The following TBX15 variants were observed in gnomAD, a reference collection of about 807,000 sequenced individuals.
TBX15 encodes the protein T-box transcription factor TBX15.
TBX15 carries 18 observed loss-of-function variants against 53.9 expected under a neutral mutation model. That is an observed-to-expected ratio of 0.33 (90% CI 0.23 to 0.49). TBX15 has a LOEUF of 0.49. Among genes scored for constraint, TBX15 ranks in the 20% least tolerant of loss-of-function variants. TBX15 has a pLI of 0.98. For missense variants in TBX15, 692 were observed against 749.5 expected, an observed-to-expected ratio of 0.92 and a Z score of 0.90; for synonymous variants, 295 against 278.0, an observed-to-expected ratio of 1.06 and a Z score of -0.61.
chr1:118,978,311 C>T (rs1484115813), intron 1 of TBX15, among the ~76,000 whole-genome samples: 1 of 152,166 alleles, frequency 6.6e-6, no homozygotes, highest in Non-Finnish European at 1.5e-5. Context: ...AAAATTCCTT[C>T]GTTCCAACAA....
chr1:118,884,436 C>G lies in TBX15; in HGVS notation c.*296G>C, dbSNP rs928593647. On this transcript the variant is annotated 3_prime_UTR_variant, in exon 8 of 8. Transcript: ENST00000369429. The stretch of plus-strand genomic sequence containing the variant: ...ACTAGCATCTCCCTTAACATTATGA[C>G]GAAGTGATTATTCAGTCTCTTCAAA... 11 of 447,912 alleles carry G rather than the reference C, an allele frequency of 2.5e-5. No homozygotes were observed. Among genetic ancestry groups the G allele is most frequent in the African/African-American group, 5.9e-5 (3 of 50,546 alleles). The allele number at this position is 447,912 out of a possible 1,614,324, so 27.7% of individuals were successfully genotyped here. A position where few individuals can be genotyped will look rare whatever the true frequency, so the allele number is the denominator to read the frequency against.
chr1:118,958,575 G>A (rs2101672876), intron 1 of TBX15, among the ~76,000 whole-genome samples: 1 of 152,196 alleles, frequency 6.6e-6, no homozygotes, highest in African/African-American at 2.4e-5. Flanking sequence ...CTTGATCAGT[G>A]ATATAATTTT....
chr1:118,987,983 C>T lies in TBX15; in HGVS notation c.-188G>A. 1 of 718,928 alleles carries T rather than the reference C, an allele frequency of 1.4e-6. No individual in the cohort carries two copies. Among genetic ancestry groups the T allele is most frequent in the Non-Finnish European group, 2.2e-6 (1 of 447,220 alleles). The allele number at this position is 718,928 out of a possible 1,614,324, so 44.5% of individuals were successfully genotyped here. ...CTCCTCCGCCCTCCTCTGCCGGATC[C>T]GACCTGCGCCCCTACGCTGGCCCAG... On this transcript the variant is annotated 5_prime_UTR_variant, in exon 1 of 8. Coordinates refer to ENST00000369429, the MANE Select transcript of TBX15 (RefSeq NM_001330677.2).
rs116276952 is a variant in TBX15, at chr1:118,968,839, A to T, written c.205+18752T>A. 7.4e-3 allele frequency among the ~76,000 whole-genome samples: 1,131 copies of T among 151,966 alleles called. 23 individuals carry two copies. The highest frequency in any genetic ancestry group is 0.026 in the African/African-American group (1,087 of 41,436). The stretch of plus-strand genomic sequence containing the variant: ...ACAGGGAGCTTCCCTGTTTACCTAG[A>T]CCCTCTTTTTGAGGAGGGAGGAGGG... On this transcript the variant is annotated intron_variant, in intron 1 of 7. Coordinates refer to ENST00000369429, the MANE Select transcript of TBX15 (RefSeq NM_001330677.2).
intron 6 of TBX15, 113 bp from the exon 7 acceptor site, chr1:118,899,238 G>T: frequency 1.1e-6 from 1 of 940,332 alleles, no homozygotes; most frequent in Non-Finnish European, 1.7e-6. Context: ...TAGATACTAA[G>T]CTACCACCAT....
intron 1 of TBX15, among the ~76,000 whole-genome samples, chr1:118,954,487 C>A (rs540493264): frequency 3.9e-5 from 6 of 152,154 alleles, no homozygotes; most frequent in Non-Finnish European, 8.8e-5. Flanking sequence ...AATGTCTAAT[C>A]AAAAGCCCTA....
At chr1:118,956,576 T>C (rs1460359441) in intron 1 of TBX15, among the ~76,000 whole-genome samples, 1 of 152,206 alleles carries the variant, frequency 6.6e-6, no homozygotes, top group Non-Finnish European at 1.5e-5. Context: ...GAATGTTTAA[T>C]CATTTTGGAA....
intron 7 of TBX15, among the ~76,000 whole-genome samples, chr1:118,888,922 A>G (rs946206): frequency 0.31 from 46,688 of 151,888 alleles, 8,010 homozygotes; most frequent in East Asian, 0.71. Flanking sequence ...AGAAAAAAAA[A>G]AAAAGGTGGG....
Position 118,939,435 on chromosome 1 carries a change from AAC to A in TBX15, c.206-7605_206-7604del, listed in dbSNP as rs1348780266. On this transcript the variant is annotated intron_variant, in intron 1 of 7. Coordinates refer to ENST00000369429, the MANE Select transcript of TBX15 (RefSeq NM_001330677.2). ...AAAAAAAAAAAAAAAAAAAAAAAAAAACAAAAACAGGAACAGAAAACCAAATA... is the reference window on the plus strand; with the variant it reads ...AAAAAAAAAAAAAAAAAAAAAAAAAAAAAAACAGGAACAGAAAACCAAATA... Among the ~76,000 whole-genome samples, 53 of 72,518 alleles carry A rather than the reference AAC, an allele frequency of 7.3e-4. 9 individuals carry two copies. In the East Asian group the frequency reaches 0.011, roughly 14 times the overall value. The allele number at this position is 72,518 out of a possible 152,430, so 47.6% of individuals were successfully genotyped here. A position where few individuals can be genotyped will look rare whatever the true frequency, so the allele number is the denominator to read the frequency against.
intron 7 of TBX15, among the ~76,000 whole-genome samples, chr1:118,895,262 T>C (rs1654383383): frequency 6.6e-6 from 1 of 152,180 alleles, no homozygotes; most frequent in South Asian, 2.1e-4. Flanking sequence ...ACCAACTCTC[T>C]TGGGGAATGG....
chr1:118,985,780 T>C lies in TBX15; in HGVS notation c.205+1811A>G, dbSNP rs147519613. Among the ~76,000 whole-genome samples, 1,034 of 152,326 alleles carry C rather than the reference T, an allele frequency of 6.8e-3. 8 individuals are homozygous for C. Among genetic ancestry groups the C allele is most frequent in the African/African-American group, 0.023 (974 of 41,580 alleles). On this transcript the variant is annotated intron_variant, in intron 1 of 7. Coordinates refer to ENST00000369429, the MANE Select transcript of TBX15 (RefSeq NM_001330677.2). ...TACATAAAGTTAGTTCTGTTAGATCTTCCACCCCACCCCCATCCCGCGGGA... is the reference window on the plus strand; with the variant it reads ...TACATAAAGTTAGTTCTGTTAGATCCTCCACCCCACCCCCATCCCGCGGGA...
intron 1 of TBX15, among the ~76,000 whole-genome samples, chr1:118,939,175 C>T (rs915337256): frequency 5.9e-5 from 9 of 151,790 alleles, no homozygotes; most frequent in South Asian, 2.1e-4. Flanking sequence ...GGAAAGCTGA[C>T]GCAGGCAGAT....
rs773098232 is a variant in TBX15 at position 118,924,845 on chromosome 1, T to TCAGAGA, written c.522-34_522-29dup. Reference sequence around the variant, plus strand: ...GAGATAAAGAGGAAGAGAGGAAAATTCAGAGACAGAGGCAGAGAAGGGACA... The same window carrying TCAGAGA: ...GAGATAAAGAGGAAGAGAGGAAAATTCAGAGACAGAGACAGAGGCAGAGAAGGGACA... On this transcript the variant is annotated intron_variant, in intron 3 of 7. Coordinates refer to ENST00000369429, the MANE Select transcript of TBX15 (RefSeq NM_001330677.2). 8.7e-6 allele frequency: 14 copies of TCAGAGA among 1,613,492 alleles called. No individual in the cohort carries two copies. The Admixed American group carries it at 2.3e-4, about 27-fold the overall frequency.
At chr1:118,979,974 G>A (rs548721501) in intron 1 of TBX15, among the ~76,000 whole-genome samples, 1 of 152,292 alleles carries the variant, frequency 6.6e-6, no homozygotes, top group African/African-American at 2.4e-5. Flanking sequence ...CCAAGGCCGG[G>A]CCGAGGGGCC....
chr1:118,937,402 T>C (rs2101626316), intron 1 of TBX15, among the ~76,000 whole-genome samples: 1 of 152,292 alleles, frequency 6.6e-6, no homozygotes, highest in Non-Finnish European at 1.5e-5. Flanking sequence ...CTGAAGATCT[T>C]GGGTGTCAGG....
At chr1:118,955,807 C>G (rs1656670592) in intron 1 of TBX15, among the ~76,000 whole-genome samples, 1 of 152,206 alleles carries the variant, frequency 6.6e-6, no homozygotes, top group Non-Finnish European at 1.5e-5. Context: ...ACAGCCCACT[C>G]TTCCCTATGT....
At chr1:118,965,708 C>T (rs529908759) in intron 1 of TBX15, among the ~76,000 whole-genome samples, 4 of 151,832 alleles carry the variant, frequency 2.6e-5, no homozygotes, top group Admixed American at 2.6e-4. Flanking sequence ...ATGAAAGATC[C>T]ACACGATGGA....
chr1:118,907,180 T>C (rs1010370962), intron 6 of TBX15, among the ~76,000 whole-genome samples: 1 of 152,142 alleles, frequency 6.6e-6, no homozygotes, highest in African/African-American at 2.4e-5. Context: ...TGGAAATATC[T>C]GGAGGAAACT....
At chr1:118,887,671 CAA>C (rs200343289) in intron 7 of TBX15, among the ~76,000 whole-genome samples, 198 of 90,076 alleles carry the variant, frequency 2.2e-3, no homozygotes, top group African/African-American at 6.2e-3. Context: ...GCAAAACTCT[CAA>C]AAAAAAAAAA....
Sources: allele counts gnomAD v4.1 joint callset (sites outside exome capture counted in the v4.1 genomes callset), GRCh38; gene constraint gnomAD v4.1.1; transcripts MANE v1.5; gene names NCBI Gene and HGNC (gene_info 2026-07-23, HGNC 2026-07-21).